Variants in FBXW7 observed in about 807,000 individuals in gnomAD.
FBXW7 encodes the protein F-box/WD repeat-containing protein 7.
FBXW7 carries 11 observed loss-of-function variants against 86.3 expected under a neutral mutation model. That is an observed-to-expected ratio of 0.13 (90% confidence interval 0.08 to 0.21). FBXW7 has a LOEUF of 0.21. FBXW7 is among the 10% of genes least tolerant of loss of function. The pLI is 1.00. For missense variants in FBXW7, 488 were observed against 847.4 expected, an observed-to-expected ratio of 0.58 and a Z score of 5.27; for synonymous variants, 313 against 297.9, an observed-to-expected ratio of 1.05 and a Z score of -0.52.
At chr4:152,423,740 T>C (rs746669158) in intron 2 of FBXW7, among the ~76,000 whole-genome samples, 1 of 152,122 alleles carries the variant, frequency 6.6e-6, no homozygotes, top group Admixed American at 6.6e-5. Context: ...GAGTATAAAT[T>C]GTATTATTCC....
At chr4:152,463,775 C>T (rs527976163) in intron 2 of FBXW7, among the ~76,000 whole-genome samples, 1 of 152,142 alleles carries the variant, frequency 6.6e-6, no homozygotes, top group Admixed American at 6.5e-5. Flanking sequence ...TGATAATCTA[C>T]ATAATGAACA....
chr4:152,442,175 A>G (rs1309592199), intron 2 of FBXW7, among the ~76,000 whole-genome samples: 1 of 152,170 alleles, frequency 6.6e-6, no homozygotes, highest in East Asian at 1.9e-4. Flanking sequence ...GAGGTTTCCA[A>G]CTTCTCATTT....
chr4:152,446,215 A>G (rs1348281240), intron 2 of FBXW7, among the ~76,000 whole-genome samples: 2 of 152,168 alleles, frequency 1.3e-5, no homozygotes, highest in African/African-American at 4.8e-5. Flanking sequence ...TATTCTATTA[A>G]CCACTAGGAT....
chr4:152,371,757 T>C (rs1410960730), intron 4 of FBXW7, among the ~76,000 whole-genome samples: 2 of 152,006 alleles, frequency 1.3e-5, no homozygotes, highest in Non-Finnish European at 2.9e-5. Context: ...TTCACTAATG[T>C]ATCCCAAGTG....
intron 2 of FBXW7, among the ~76,000 whole-genome samples, chr4:152,523,455 C>T (rs1749198034): frequency 6.6e-6 from 1 of 152,130 alleles, no homozygotes; most frequent in African/African-American, 2.4e-5. Context: ...GTATCCCCTC[C>T]TCTTAAGAAA....
At position 152,521,033 on chromosome 4, in the gene FBXW7, C is replaced by T. The variant is rs1748963815; in HGVS notation, c.-120+13908G>A. The stretch of plus-strand genomic sequence containing the variant: ...TCCCCTCCTGCCAACCCCCATAGAA[C>T]TTATTTAAAAGCTTTCCAGTTTTTT... On this transcript the variant is annotated intron_variant, in intron 2 of 13. Coordinates refer to ENST00000281708, the MANE Select transcript of FBXW7 (RefSeq NM_001349798.2). 2.0e-5 allele frequency among the ~76,000 whole-genome samples: 3 copies of T among 152,140 alleles called. No homozygotes were observed. The South Asian group carries it at 6.2e-4, about 32-fold the overall frequency.
chr4:152,425,104 C>T (rs1739265867), intron 2 of FBXW7, among the ~76,000 whole-genome samples: 1 of 152,204 alleles, frequency 6.6e-6, no homozygotes. Context: ...CTCTTGTCTA[C>T]CTGATTTGTT....
chr4:152,476,653 C>A (rs1744429190), intron 2 of FBXW7, among the ~76,000 whole-genome samples: 1 of 152,116 alleles, frequency 6.6e-6, no homozygotes, highest in Admixed American at 6.6e-5. Context: ...ACTATTTGAA[C>A]AGATACTTCA....
At chr4:152,497,377 T>A (rs758377694) in intron 2 of FBXW7, among the ~76,000 whole-genome samples, 28 of 118,794 alleles carry the variant, frequency 2.4e-4, no homozygotes, top group East Asian at 8.4e-4. Context: ...ACACACACAC[T>A]ATGAGATACT....
intron 6 of FBXW7, among the ~76,000 whole-genome samples, chr4:152,346,431 T>C (rs1040159563): frequency 1.3e-5 from 2 of 152,120 alleles, no homozygotes; most frequent in African/African-American, 4.8e-5. Context: ...ATAAAAAAAA[T>C]GTCAGTGCAC....
intron 4 of FBXW7, among the ~76,000 whole-genome samples, chr4:152,369,687 G>C (rs958434369): frequency 6.6e-6 from 1 of 151,976 alleles, no homozygotes; most frequent in Non-Finnish European, 1.5e-5. Context: ...AATTAAGACT[G>C]TAAAAATTAT....
intron 2 of FBXW7, among the ~76,000 whole-genome samples, chr4:152,487,039 C>T (rs1275026056): frequency 1.3e-5 from 2 of 151,952 alleles, no homozygotes; most frequent in Non-Finnish European, 2.9e-5. Context: ...TTTAGTTCAC[C>T]GAATTAATGA....
intron 2 of FBXW7, among the ~76,000 whole-genome samples, chr4:152,513,915 T>G (rs968682877): frequency 2.1e-4 from 32 of 152,216 alleles, no homozygotes; most frequent in African/African-American, 7.2e-4. Context: ...CACTAACTAA[T>G]GAGCACTTAC....
rs902994306 is a variant in FBXW7, at chr4:152,536,060, C to T, written c.-1146G>A. 4 of 194,636 alleles carry T rather than the reference C, an allele frequency of 2.1e-5. No individual in the cohort carries two copies. Among genetic ancestry groups the T allele is most frequent in the Non-Finnish European group, 3.1e-5 (3 of 95,820 alleles). The allele number at this position is 194,636 out of a possible 1,614,324, so 12.1% of individuals were successfully genotyped here. On this transcript the variant is annotated 5_prime_UTR_variant, in exon 1 of 14. Coordinates refer to ENST00000281708, the MANE Select transcript of FBXW7 (RefSeq NM_001349798.2). ...GGAGCTCAGCTCGCTGTCTCCCTCGCTCTGTGCGGGGCTCTCGCCTCACTC... is the reference window on the plus strand; with the variant it reads ...GGAGCTCAGCTCGCTGTCTCCCTCGTTCTGTGCGGGGCTCTCGCCTCACTC...
chr4:152,365,415 A>C (rs1321446777), intron 4 of FBXW7, among the ~76,000 whole-genome samples: 2 of 152,164 alleles, frequency 1.3e-5, no homozygotes, highest in Non-Finnish European at 2.9e-5. Context: ...GTAGATGTGG[A>C]GAGACTGTGT....
chr4:152,516,133 C>T (rs145292202), intron 2 of FBXW7, among the ~76,000 whole-genome samples: 75 of 152,284 alleles, frequency 4.9e-4, no homozygotes, highest in African/African-American at 1.8e-3. Context: ...GAGGAAAGAC[C>T]CAGCTAAACC....
chr4:152,472,168 A>T (rs1283503132), intron 2 of FBXW7, among the ~76,000 whole-genome samples: 1 of 152,200 alleles, frequency 6.6e-6, no homozygotes, highest in East Asian at 1.9e-4. Context: ...AATCTGTAGC[A>T]ACTGACATTC....
At chr4:152,442,934 T>C (rs1003837075) in intron 2 of FBXW7, among the ~76,000 whole-genome samples, 1 of 152,192 alleles carries the variant, frequency 6.6e-6, no homozygotes, top group African/African-American at 2.4e-5. Context: ...ATCTAATTAA[T>C]ACATTCTAGG....
At chr4:152,349,811 G>C (rs1731633948) in intron 5 of FBXW7, among the ~76,000 whole-genome samples, 1 of 151,696 alleles carries the variant, frequency 6.6e-6, no homozygotes. Flanking sequence ...TTGTTCACAA[G>C]ATAATTTCTG....
Sources: allele counts gnomAD v4.1 joint callset (sites outside exome capture counted in the v4.1 genomes callset), GRCh38; gene constraint gnomAD v4.1.1; transcripts MANE v1.5; gene names NCBI Gene and HGNC (gene_info 2026-07-23, HGNC 2026-07-21).